Variants in TC2N observed in about 807,000 individuals in gnomAD.
TC2N encodes tandem C2 domains nuclear protein.
TC2N carries 51 observed loss-of-function variants against 61.9 expected under a neutral mutation model. The observed-to-expected ratio is 0.82, with a 90% CI of 0.66 to 1.04. The LOEUF is 1.04. Among genes scored for constraint, TC2N ranks in the 50% least tolerant of loss-of-function variants. The pLI, the probability that TC2N is intolerant of heterozygous loss-of-function variation, is 0.00. For synonymous variants in TC2N, 204 were observed against 192.6 expected (o/e 1.06, Z -0.49); for missense variants, 556 against 566.7 (o/e 0.98, Z 0.19).
intron 1 of TC2N, among the ~76,000 whole-genome samples, chr14:91,847,173 GCT>G (rs1431216868): frequency 6.6e-6 from 1 of 151,610 alleles, no homozygotes; most frequent in African/African-American, 2.4e-5. Flanking sequence ...TAGGAGAATT[GCT>G]TGAACCCGGG....
In TC2N at chr14:91,794,664, A is replaced by T. The variant is rs921176708; in HGVS notation, c.856-2106T>A. 4.6e-5 allele frequency among the ~76,000 whole-genome samples: 7 copies of T among 152,306 alleles called. No homozygotes were observed. The East Asian group carries it at 1.2e-3, about 25-fold the overall frequency. Reference sequence around the variant, plus strand: ...TATTGAGATCTACTGCTCAAAAAAAAAAAGATTCCTTTCAAAACATTATTT... The same window carrying T: ...TATTGAGATCTACTGCTCAAAAAAATAAAGATTCCTTTCAAAACATTATTT... On this transcript the variant is annotated intron_variant, in intron 8 of 11. Coordinates refer to ENST00000435962, the MANE Select transcript of TC2N (RefSeq NM_001128596.3).
chr14:91,806,938 C>A (rs923114294), intron 3 of TC2N, among the ~76,000 whole-genome samples: 1 of 152,150 alleles, frequency 6.6e-6, no homozygotes, highest in Non-Finnish European at 1.5e-5. Flanking sequence ...AGGCCCAGGG[C>A]CCCCCTGTTG....
chr14:91,866,262 A>C (rs777039612), intron 1 of TC2N: 1 of 152,214 alleles, frequency 6.6e-6, no homozygotes, highest in Non-Finnish European at 1.5e-5. Flanking sequence ...AGACCTACTT[A>C]AATGTTTTTA....
intron 5 of TC2N, 92 bp downstream of exon 5, chr14:91,800,189 T>C: frequency 1.6e-6 from 1 of 637,136 alleles, no homozygotes; most frequent in South Asian, 2.9e-5. Context: ...ACAAAAAATA[T>C]ACAGCATATT....
At chr14:91,800,949 T>C (rs1026418320) in intron 4 of TC2N, among the ~76,000 whole-genome samples, 3 of 151,660 alleles carry the variant, frequency 2.0e-5, no homozygotes, top group Non-Finnish European at 4.4e-5. Flanking sequence ...GAGATATATA[T>C]ATATACACAC....
intron 10 of TC2N, among the ~76,000 whole-genome samples, chr14:91,786,925 T>C (rs1201001460): frequency 1.3e-5 from 2 of 152,204 alleles, no homozygotes; most frequent in Non-Finnish European, 1.5e-5. Flanking sequence ...GCTTCTTGAA[T>C]TGAATGCTCA....
rs2896188 is a variant in TC2N at position 91,848,548 on chromosome 14, C to T, written c.-57+18714G>A. 4.7e-3 allele frequency among the ~76,000 whole-genome samples: 717 copies of T among 152,338 alleles called. 7 individuals are homozygous for T. The highest frequency in any genetic ancestry group is 0.017 in the African/African-American group (689 of 41,562). On this transcript the variant is annotated intron_variant, in intron 1 of 11. Coordinates refer to ENST00000435962, the MANE Select transcript of TC2N (RefSeq NM_001128596.3). ...AGTGGGAGGAAAATGCACTATCCAA[C>T]TTCTGGTAACTTTATTCCAATTTCT... is the stretch of plus-strand genomic sequence containing the variant.
intron 1 of TC2N, among the ~76,000 whole-genome samples, chr14:91,847,301 T>G (rs536885310): frequency 6.6e-6 from 1 of 152,170 alleles, no homozygotes; most frequent in South Asian, 2.1e-4. Context: ...TGCAATGGTT[T>G]AAATCGTCCA....
chr14:91,801,169 AAACTACAAAAGCTCTATAATC>A (rs1258601418), intron 4 of TC2N, among the ~76,000 whole-genome samples: 1 of 151,976 alleles, frequency 6.6e-6, no homozygotes, highest in Non-Finnish European at 1.5e-5. Flanking sequence ...CTCAAATATG[AAACTACAAAAGCTCTATAATC>A]ACTTAAGCAG....
intron 1 of TC2N, among the ~76,000 whole-genome samples, chr14:91,853,412 A>C (rs1192490177): frequency 1.3e-5 from 2 of 152,202 alleles, no homozygotes. Flanking sequence ...GTCAGTCCCC[A>C]GTAGATGTTC....
chr14:91,810,039 C>A (rs1886694254), intron 3 of TC2N, among the ~76,000 whole-genome samples: 1 of 152,268 alleles, frequency 6.6e-6, no homozygotes, highest in South Asian at 2.1e-4. Flanking sequence ...GTACAGGAAG[C>A]ATGGTGCCAG....
chr14:91,865,850 T>A (rs1019136127), intron 1 of TC2N, among the ~76,000 whole-genome samples: 5 of 152,192 alleles, frequency 3.3e-5, no homozygotes, highest in Non-Finnish European at 5.9e-5. Flanking sequence ...TCGTGTATGC[T>A]GCATAAACCC....
Position 91,785,266 on chromosome 14 carries a change from C to G in TC2N, c.1258G>C (p.Gly420Arg). ...LKASNGRVKW[G>R]ETMIFPLIQS... ...ATAAGTGGAAAAATCATAGTCTCTC[C>G]CCACTTGACTCTTCCATTGGAGGCC... Residue 420 changes from glycine to arginine, a missense_variant, in exon 11 of 12, where the codon GGA becomes CGA. Coordinates refer to ENST00000435962, the MANE Select transcript of TC2N (RefSeq NM_001128596.3). The G allele has an allele frequency of 6.2e-7, 1 of 1,612,844 alleles. No individual in the cohort carries two copies. Among genetic ancestry groups the G allele is most frequent in the Non-Finnish European group, 8.5e-7 (1 of 1,179,058 alleles).
intron 1 of TC2N, among the ~76,000 whole-genome samples, chr14:91,841,601 A>G (rs1888164348): frequency 6.6e-6 from 1 of 152,170 alleles, no homozygotes; most frequent in African/African-American, 2.4e-5. Flanking sequence ...AGGACCCAAG[A>G]TGACTTGAGA....
In TC2N at chr14:91,780,713, C is replaced by T. The variant is rs905163225; in HGVS notation, c.*2387G>A. ...TAAGTGGGTAAAGGTCAAGAAATGC[C>T]TAGGCAAATATGAAGAGAAGTTATT... On this transcript the variant is annotated 3_prime_UTR_variant, in exon 12 of 12. Transcript: ENST00000435962. 2.0e-5 allele frequency: 3 copies of T among 152,114 alleles called. No homozygotes were observed. Among genetic ancestry groups the T allele is most frequent in the Non-Finnish European group, 4.4e-5 (3 of 68,020 alleles). The allele number at this position is 152,114 out of a possible 1,614,324, so 9.4% of individuals were successfully genotyped here.
rs1041926734 is a variant in TC2N at position 91,844,904 on chromosome 14, C to T, written c.-57+22358G>A. 3.3e-5 allele frequency among the ~76,000 whole-genome samples: 5 copies of T among 151,950 alleles called. No homozygotes were observed. In the South Asian group the frequency reaches 6.2e-4, roughly 19 times the overall value. ...GCTGTCATTCTTCATGGACCTACTA[C>T]GTGCCAAACACTGTGTTAATGGTCC... On this transcript the variant is annotated intron_variant, in intron 1 of 11. Coordinates refer to ENST00000435962, the MANE Select transcript of TC2N (RefSeq NM_001128596.3).
chr14:91,829,495 C>T (rs1217594988), intron 1 of TC2N, among the ~76,000 whole-genome samples: 3 of 152,090 alleles, frequency 2.0e-5, no homozygotes, highest in Non-Finnish European at 2.9e-5. Flanking sequence ...AGTTTTATTA[C>T]TGCATTTTTC....
At chr14:91,820,231 A>G (rs531961586) in intron 1 of TC2N, among the ~76,000 whole-genome samples, 2 of 152,216 alleles carry the variant, frequency 1.3e-5, no homozygotes, top group East Asian at 1.9e-4. Flanking sequence ...CCTCAATGAA[A>G]TACTGGCAAG....
At chr14:91,832,592 G>A (rs8004214) in intron 1 of TC2N, among the ~76,000 whole-genome samples, 149,267 of 152,236 alleles carry the variant, frequency 0.98, 73,257 homozygotes, top group East Asian at 1. Flanking sequence ...GAATGTAGAA[G>A]TGTCTTACAT....
Sources: gnomAD v4.1 joint callset for allele counts (sites outside exome capture counted in the v4.1 genomes callset) on GRCh38, gnomAD v4.1.1 for gene constraint, MANE v1.5 for transcripts, NCBI Gene and HGNC (gene_info 2026-07-23, HGNC 2026-07-21) for gene names.